The following SEMA5B variants were observed in gnomAD, a reference collection of about 807,000 sequenced individuals.
The protein encoded by SEMA5B is semaphorin 5B, also known as semaphorin-5B.
SEMA5B carries 66 observed loss-of-function variants against 135.0 expected under a neutral mutation model. That is an observed-to-expected ratio of 0.49 (90% confidence interval 0.40 to 0.60). SEMA5B has a LOEUF of 0.60. SEMA5B is among the 20% of genes least tolerant of loss of function. The pLI, the probability that SEMA5B is intolerant of heterozygous loss-of-function variation, is 0.00. For missense variants in SEMA5B, 1,501 were observed against 1,566.3 expected (o/e 0.96, Z 0.70); for synonymous variants, 690 against 639.5 (o/e 1.08, Z -1.19).
chr3:123,003,978 G>T lies in SEMA5B; in HGVS notation c.-39+23486C>A, dbSNP rs561226791. Among the ~76,000 whole-genome samples, 96 of 152,324 alleles carry T rather than the reference G, an allele frequency of 6.3e-4. 1 individual carries two copies. In the Middle Eastern group the frequency reaches 0.01, roughly 16 times the overall value. Reference sequence around the variant, plus strand: ...TCTGGTGGCTCTTTATTGACAAAGAGGAAGAACTTTCTTAGAAATCAAAAA... The same window carrying T: ...TCTGGTGGCTCTTTATTGACAAAGATGAAGAACTTTCTTAGAAATCAAAAA... On this transcript the variant is annotated intron_variant, in intron 1 of 22. Coordinates refer to ENST00000357599, the MANE Select transcript of SEMA5B (RefSeq NM_001031702.4).
At chr3:122,910,404 A>C in intron 22 of SEMA5B, 103 bp from the exon 23 acceptor site, 2 of 1,223,164 alleles carry the variant, frequency 1.6e-6, no homozygotes, top group Non-Finnish European at 2.3e-6. Flanking sequence ...AAGAACACTC[A>C]GACTGCGGAT....
intron 5 of SEMA5B, among the ~76,000 whole-genome samples, chr3:122,934,647 TAAGAC>T (rs1232282811): frequency 6.6e-6 from 1 of 152,200 alleles, no homozygotes; most frequent in East Asian, 1.9e-4. Context: ...TAAAATTTTA[TAAGAC>T]AAGTAGGGAA....
At chr3:122,996,117 A>T (rs1942015780) in intron 1 of SEMA5B, among the ~76,000 whole-genome samples, 1 of 152,174 alleles carries the variant, frequency 6.6e-6, no homozygotes, top group Non-Finnish European at 1.5e-5. Flanking sequence ...ACCAACTTGG[A>T]TGGGCGCCAG....
intron 1 of SEMA5B, among the ~76,000 whole-genome samples, chr3:123,004,562 A>G (rs748095264): frequency 6.6e-6 from 1 of 152,236 alleles, no homozygotes; most frequent in Non-Finnish European, 1.5e-5. Flanking sequence ...CTAACAATGT[A>G]AAACTGTTGT....
At chr3:122,963,505 GA>G (rs1940683567) in intron 1 of SEMA5B, among the ~76,000 whole-genome samples, 1 of 114,402 alleles carries the variant, frequency 8.7e-6, no homozygotes, top group African/African-American at 3.5e-5. Flanking sequence ...AAAAAAAAAA[GA>G]AAAAGAAAAA....
chr3:122,998,167 T>C (rs1942074761), intron 1 of SEMA5B, among the ~76,000 whole-genome samples: 1 of 152,042 alleles, frequency 6.6e-6, no homozygotes, highest in Admixed American at 6.5e-5. Context: ...CAACCTGATC[T>C]TTCCTTCTCC....
intron 2 of SEMA5B, among the ~76,000 whole-genome samples, chr3:122,955,184 G>A (rs1428284084): frequency 6.6e-6 from 1 of 152,008 alleles, no homozygotes; most frequent in Non-Finnish European, 1.5e-5. Flanking sequence ...TAAGCTAGGT[G>A]GAACCTGGAA....
chr3:122,943,911 A>G (rs1452653457), intron 3 of SEMA5B, among the ~76,000 whole-genome samples: 2 of 152,126 alleles, frequency 1.3e-5, no homozygotes, highest in African/African-American at 2.4e-5. Flanking sequence ...TATCCCACCT[A>G]CATCCAAGCC....
intron 1 of SEMA5B, among the ~76,000 whole-genome samples, chr3:122,998,434 C>T (rs2107746395): frequency 6.6e-6 from 1 of 152,326 alleles, no homozygotes; most frequent in South Asian, 2.1e-4. Context: ...CACTTCTCAT[C>T]TGTTAAATGG....
At chr3:122,970,102 C>T (rs976168210) in intron 1 of SEMA5B, among the ~76,000 whole-genome samples, 6 of 152,142 alleles carry the variant, frequency 3.9e-5, no homozygotes, top group African/African-American at 7.2e-5. Flanking sequence ...ACCTAGAGCC[C>T]GGGCTGCAAA....
At chr3:122,932,190 A>T (rs1442777250) in intron 5 of SEMA5B, among the ~76,000 whole-genome samples, 1 of 148,502 alleles carries the variant, frequency 6.7e-6, no homozygotes. Flanking sequence ...GCATGGAACT[A>T]TCACCAATTT....
At chr3:122,954,877 C>G (rs533481942) in intron 2 of SEMA5B, among the ~76,000 whole-genome samples, 1 of 150,568 alleles carries the variant, frequency 6.6e-6, no homozygotes, top group South Asian at 2.1e-4. Flanking sequence ...ACTGCAGCCT[C>G]AACCTCCCAG....
chr3:122,947,623 C>G (rs557002008), intron 3 of SEMA5B, among the ~76,000 whole-genome samples: 96 of 152,330 alleles, frequency 6.3e-4, no homozygotes, highest in African/African-American at 2.2e-3. Flanking sequence ...CTCTGACAAG[C>G]CTCTCTGGCC....
At chr3:122,965,778 T>TG (rs949829591) in intron 1 of SEMA5B, among the ~76,000 whole-genome samples, 8 of 151,948 alleles carry the variant, frequency 5.3e-5, no homozygotes, top group African/African-American at 1.9e-4. Context: ...TTAATTAGAG[T>TG]GGGGTAAAGT....
At position 122,922,349 on chromosome 3, in the gene SEMA5B, C is replaced by G; in HGVS notation, c.1371G>C (p.Pro457=). The part of the protein sequence containing the change: ...RLFLMSEAVQ[P]VTPEPCVTQD... ...GGGTGACACAGGGCTCGGGTGTCAC[C>G]GGCTGCACGGCCTCGCTCATCAGGA... Residue 457 remains proline (P), a synonymous_variant, in exon 11 of 23, where the codon CCG becomes CCC. Coordinates refer to ENST00000357599, the MANE Select transcript of SEMA5B (RefSeq NM_001031702.4). 6.2e-7 allele frequency: 1 copy of G among 1,613,506 alleles called. No homozygotes were observed. The highest frequency in any genetic ancestry group is 8.5e-7 in the Non-Finnish European group (1 of 1,179,798).
At chr3:122,911,842 A>C (rs1937730702) in intron 20 of SEMA5B, 78 bp downstream of exon 20, 5 of 1,477,072 alleles carry the variant, frequency 3.4e-6, no homozygotes, top group East Asian at 2.3e-5. Flanking sequence ...CCACCAGGAC[A>C]CAAGCTTCAG....
intron 18 of SEMA5B, 119 bp downstream of exon 18, chr3:122,912,724 T>G: frequency 3.0e-6 from 3 of 992,628 alleles, no homozygotes; most frequent in Admixed American, 2.6e-5. Context: ...TAGCACAGAG[T>G]TGGCAGGGAG....
intron 1 of SEMA5B, among the ~76,000 whole-genome samples, chr3:123,005,376 T>C (rs1461155712): frequency 6.6e-6 from 1 of 152,154 alleles, no homozygotes; most frequent in Non-Finnish European, 1.5e-5. Context: ...ATTATTATTA[T>C]TTAGAGAAAG....
intron 1 of SEMA5B, among the ~76,000 whole-genome samples, chr3:123,021,964 G>C (rs148544493): frequency 5.9e-5 from 9 of 152,164 alleles, no homozygotes; most frequent in Non-Finnish European, 1.2e-4. Context: ...CAACAGGGGG[G>C]TTGGATGGTA....
Sources: allele counts gnomAD v4.1 joint callset (sites outside exome capture counted in the v4.1 genomes callset), GRCh38; gene constraint gnomAD v4.1.1; transcripts MANE v1.5; gene names NCBI Gene and HGNC (gene_info 2026-07-23, HGNC 2026-07-21).